Variants in RSU1 observed in about 807,000 individuals in gnomAD.
RSU1 encodes rsu-1.
A neutral mutation model predicts 31.1 loss-of-function variants in RSU1; 26 were observed. The ratio of observed to expected loss-of-function variants is 0.84; its 90% CI spans 0.61 to 1.16. RSU1 has a LOEUF of 1.16. RSU1 is among the 50% of genes most tolerant of loss of function. The pLI is 0.00. For synonymous variants in RSU1, 164 were observed against 136.3 expected (o/e 1.20, Z -1.41); for missense variants, 320 against 339.1 (o/e 0.94, Z 0.44).
intron 2 of RSU1, among the ~76,000 whole-genome samples, chr10:16,784,531 A>G (rs1837730326): frequency 6.6e-6 from 1 of 152,170 alleles, no homozygotes; most frequent in African/African-American, 2.4e-5. Flanking sequence ...GCATCTTCAC[A>G]TGGGGTATTA....
chr10:16,791,398 C>T (rs1837908344), intron 2 of RSU1, among the ~76,000 whole-genome samples: 1 of 152,054 alleles, frequency 6.6e-6, no homozygotes, highest in South Asian at 2.1e-4. Flanking sequence ...CTTTCGGAGG[C>T]CGAGGTGGGC....
At chr10:16,671,405 T>C (rs949048573) in intron 8 of RSU1, among the ~76,000 whole-genome samples, 2 of 152,176 alleles carry the variant, frequency 1.3e-5, no homozygotes, top group South Asian at 4.1e-4. Context: ...ATTCTCCTGA[T>C]AGGGACCTGC....
At chr10:16,704,109 T>G (rs1431931752) in intron 7 of RSU1, among the ~76,000 whole-genome samples, 1 of 152,180 alleles carries the variant, frequency 6.6e-6, no homozygotes, top group African/African-American at 2.4e-5. Flanking sequence ...ACATTAGAAC[T>G]TTAAAATTTT....
intron 3 of RSU1, among the ~76,000 whole-genome samples, chr10:16,779,577 T>C (rs919982978): frequency 2.0e-5 from 3 of 151,914 alleles, no homozygotes; most frequent in Non-Finnish European, 4.4e-5. Context: ...ATTGGCATAC[T>C]AAGAGAAAAA....
chr10:16,752,905 A>G lies in RSU1; in HGVS notation c.483+13T>C. Reference sequence around the variant, plus strand: ...GTGAATTGATTTTCTAAGAATTTAGATAAATTACTTACTATCTGCAACTTT... The same window carrying G: ...GTGAATTGATTTTCTAAGAATTTAGGTAAATTACTTACTATCTGCAACTTT... On this transcript the variant is annotated intron_variant, in intron 6 of 8. Coordinates refer to ENST00000345264, the MANE Select transcript of RSU1 (RefSeq NM_012425.4). 6.2e-7 allele frequency: 1 copy of G among 1,608,888 alleles called. No homozygotes were observed. Among genetic ancestry groups the G allele is most frequent in the Non-Finnish European group, 8.5e-7 (1 of 1,175,168 alleles).
chr10:16,809,006 C>A (rs1286985182), intron 2 of RSU1, among the ~76,000 whole-genome samples: 1 of 152,214 alleles, frequency 6.6e-6, no homozygotes, highest in Non-Finnish European at 1.5e-5. Flanking sequence ...GAACTTCCAG[C>A]CTCCAGGACC....
chr10:16,641,833 G>C (rs907480519), intron 8 of RSU1, among the ~76,000 whole-genome samples: 1 of 152,202 alleles, frequency 6.6e-6, no homozygotes, highest in Non-Finnish European at 1.5e-5. Flanking sequence ...GGAAGGCACG[G>C]GCTGGGTTGT....
intron 8 of RSU1, among the ~76,000 whole-genome samples, chr10:16,672,178 C>T (rs1192026033): frequency 2.0e-5 from 3 of 149,680 alleles, no homozygotes; most frequent in Admixed American, 1.3e-4. Context: ...GGCGTGGTGG[C>T]GGGTGCCTGT....
Position 16,590,773 on chromosome 10 carries a change from A to G in RSU1, c.*2621T>C, listed in dbSNP as rs1280911081. 3.3e-5 allele frequency: 5 copies of G among 152,228 alleles called. No homozygotes were observed. Among genetic ancestry groups the G allele is most frequent in the Non-Finnish European group, 7.3e-5 (5 of 68,038 alleles). The allele number at this position is 152,228 out of a possible 1,614,324, so 9.4% of individuals were successfully genotyped here. A position where few individuals can be genotyped will look rare whatever the true frequency, so the allele number is the denominator to read the frequency against. ...CCTTAAAATAATTGTGTTCACCTCT[A>G]TTTAATTTTTATGCACACGTATTAC... On this transcript the variant is annotated 3_prime_UTR_variant, in exon 9 of 9. Coordinates refer to ENST00000345264, the MANE Select transcript of RSU1 (RefSeq NM_012425.4).
chr10:16,654,463 A>C (rs1326872055), intron 8 of RSU1, among the ~76,000 whole-genome samples: 1 of 149,302 alleles, frequency 6.7e-6, no homozygotes, highest in East Asian at 2.0e-4. Context: ...TGAGGTCAGG[A>C]GTTTGAGACC....
At chr10:16,696,874 T>C (rs992819072) in intron 7 of RSU1, among the ~76,000 whole-genome samples, 5 of 152,270 alleles carry the variant, frequency 3.3e-5, no homozygotes, top group African/African-American at 1.2e-4. Context: ...AGGGGGTTTT[T>C]AGAGTCCCAA....
intron 8 of RSU1, among the ~76,000 whole-genome samples, chr10:16,607,333 G>A (rs1369553556): frequency 6.6e-6 from 1 of 152,126 alleles, no homozygotes; most frequent in African/African-American, 2.4e-5. Flanking sequence ...AAATTACGCA[G>A]TCTCAGGTAT....
intron 3 of RSU1, among the ~76,000 whole-genome samples, chr10:16,769,631 C>G (rs1273569362): frequency 6.6e-6 from 1 of 152,212 alleles, no homozygotes; most frequent in African/African-American, 2.4e-5. Context: ...TCTGAATTTC[C>G]AACAACTTCC....
intron 8 of RSU1, among the ~76,000 whole-genome samples, chr10:16,682,626 A>AC (rs1253776673): frequency 7.3e-5 from 11 of 150,154 alleles, no homozygotes; most frequent in Admixed American, 4.0e-4. Context: ...TTTCGGGAAC[A>AC]CCTACTCTGT....
intron 7 of RSU1, among the ~76,000 whole-genome samples, chr10:16,709,365 T>C (rs1029299069): frequency 5.2e-4 from 79 of 152,336 alleles, no homozygotes; most frequent in Non-Finnish European, 1.1e-3. Flanking sequence ...ATGGTGTATA[T>C]GTGCCACATT....
chr10:16,704,124 A>G (rs2131574025), intron 7 of RSU1, among the ~76,000 whole-genome samples: 1 of 152,330 alleles, frequency 6.6e-6, no homozygotes, highest in East Asian at 1.9e-4. Context: ...AATTTTAAAT[A>G]AAAGAAAAAA....
At chr10:16,670,411 T>C (rs1835084881) in intron 8 of RSU1, among the ~76,000 whole-genome samples, 1 of 152,176 alleles carries the variant, frequency 6.6e-6, no homozygotes, top group African/African-American at 2.4e-5. Context: ...AGACATGAAT[T>C]GATAAACTGA....
chr10:16,741,975 A>C (rs1185518384), intron 7 of RSU1, among the ~76,000 whole-genome samples: 1 of 152,168 alleles, frequency 6.6e-6, no homozygotes, highest in Non-Finnish European at 1.5e-5. Context: ...CCCAAACTGA[A>C]CTGATTACAG....
At chr10:16,666,588 T>C (rs954048794) in intron 8 of RSU1, among the ~76,000 whole-genome samples, 15 of 151,966 alleles carry the variant, frequency 9.9e-5, no homozygotes, top group Non-Finnish European at 2.1e-4. Context: ...TATTTAAAAA[T>C]AGTCCAAAAC....
Sources: allele counts gnomAD v4.1 joint callset (sites outside exome capture counted in the v4.1 genomes callset), GRCh38; gene constraint gnomAD v4.1.1; transcripts MANE v1.5; gene names NCBI Gene and HGNC (gene_info 2026-07-23, HGNC 2026-07-21).